OIP5: variants seen among roughly 807,000 people sequenced by gnomAD.
The protein encoded by OIP5 is protein Mis18-beta.
In OIP5, 24 loss-of-function variants were observed where a neutral mutation model predicts 20.3. The ratio of observed to expected loss-of-function variants is 1.18; its 90% CI spans 0.86 to 1.66. The LOEUF (loss-of-function observed/expected upper bound fraction) is 1.66, where lower values mean the gene tolerates loss of function less well. OIP5 is among the 40% of genes most tolerant of loss of function. The pLI, the probability that OIP5 is intolerant of heterozygous loss-of-function variation, is 0.00. For synonymous variants in OIP5, 143 were observed against 121.3 expected, an observed-to-expected ratio of 1.18 and a Z score of -1.17; for missense variants, 339 against 289.5, an observed-to-expected ratio of 1.17 and a Z score of -1.24.
intron 3 of OIP5, 29 bp from the exon 4 acceptor site, chr15:41,313,383 G>A (rs373768898): frequency 3.4e-5 from 41 of 1,206,180 alleles, no homozygotes; most frequent in Non-Finnish European, 4.4e-5. Context: ...AAATATTAGT[G>A]TCATACCATG....
At chr15:41,330,242 G>T (rs1449315306) in intron 2 of OIP5, among the ~76,000 whole-genome samples, 2 of 151,548 alleles carry the variant, frequency 1.3e-5, no homozygotes, top group Non-Finnish European at 2.9e-5. Flanking sequence ...TGGGATTACA[G>T]GCATGTGCCA....
intron 2 of OIP5, among the ~76,000 whole-genome samples, chr15:41,326,479 A>G (rs985952558): frequency 1.3e-5 from 2 of 152,118 alleles, no homozygotes; most frequent in Admixed American, 1.3e-4. Context: ...GCTGGAGTGC[A>G]ATGGCGTGAT....
intron 1 of OIP5, 38 bp downstream of exon 1, chr15:41,332,202 C>T (rs773288475): frequency 6.6e-7 from 1 of 1,521,700 alleles, no homozygotes; most frequent in African/African-American, 1.4e-5. Context: ...CCCTCTCGGG[C>T]TAGCCTCTGC....
chr15:41,326,525 G>T (rs760201023), intron 2 of OIP5, among the ~76,000 whole-genome samples: 6 of 152,168 alleles, frequency 3.9e-5, no homozygotes, highest in Non-Finnish European at 7.3e-5. Flanking sequence ...CTAGGTTCAA[G>T]TGATTCTCCT....
intron 2 of OIP5, among the ~76,000 whole-genome samples, chr15:41,323,117 CATTA>C (rs2047840563): frequency 6.6e-6 from 1 of 152,096 alleles, no homozygotes; most frequent in Non-Finnish European, 1.5e-5. Context: ...AATAAAGTGT[CATTA>C]ATTTGAAATT....
chr15:41,320,155 A>G (rs1402083188), intron 2 of OIP5, among the ~76,000 whole-genome samples: 2 of 152,212 alleles, frequency 1.3e-5, no homozygotes, highest in Non-Finnish European at 2.9e-5. Context: ...GTTGAAAAAT[A>G]ATCAAGTTGA....
In OIP5 at chr15:41,311,226, C is replaced by G. The variant is rs2047751903; in HGVS notation, c.595-1377G>C. Among the ~76,000 whole-genome samples the G allele has an allele frequency of 1.3e-5, 2 of 152,068 alleles. 1 individual carries two copies. The highest frequency in any genetic ancestry group is 2.9e-5 in the Non-Finnish European group (2 of 67,998). Reference sequence around the variant, plus strand: ...TAAAACCCCGTCTCTACTAAAAATACAAAAATTATCTGGGCACGGTAGTGC... The same window carrying G: ...TAAAACCCCGTCTCTACTAAAAATAGAAAAATTATCTGGGCACGGTAGTGC... On this transcript the variant is annotated intron_variant, in intron 4 of 4. Transcript: ENST00000220514.
Position 41,319,777 on chromosome 15 carries a change from A to C in OIP5, c.393T>G (p.Thr131=), listed in dbSNP as rs775621875. 6.2e-7 allele frequency: 1 copy of C among 1,611,184 alleles called. No individual in the cohort carries two copies. Among genetic ancestry groups the C allele is most frequent in the South Asian group, 1.1e-5 (1 of 90,558 alleles). The change falls in exon 3 of 5, where the codon ACT becomes ACG. Residue 131 remains threonine (T), a synonymous_variant. Transcript: ENST00000220514. The part of the protein sequence containing the change: ...VGIEGSLKGS[T]YNLLFCGSCG... ...AAGAACCACAGAATAAAAGGTTGTAAGTACTAGGGGTGGGGAAAAACACAA... is the reference window on the plus strand; with the variant it reads ...AAGAACCACAGAATAAAAGGTTGTACGTACTAGGGGTGGGGAAAAACACAA...
chr15:41,321,309 AGCCCCCCGCCCGGCCAGCCGCCCCGTCC>A lies in OIP5; in HGVS notation c.390-1557_390-1530del, dbSNP rs2047825603. ...CGTCCTGGAGGGAGGTGGGGGGGTC[AGCCCCCCGCCCGGCCAGCCGCCCCGTCC>A]GCGAGGTGATGGGCGCCTCTGCCCG... On this transcript the variant is annotated intron_variant, in intron 2 of 4. Coordinates refer to ENST00000220514, the MANE Select transcript of OIP5 (RefSeq NM_007280.2). 2.1e-5 allele frequency among the ~76,000 whole-genome samples: 3 copies of A among 143,502 alleles called. No homozygotes were observed. The Admixed American group carries it at 2.1e-4, about 10-fold the overall frequency. The allele number at this position is 143,502 out of a possible 152,430, so 94.1% of individuals were successfully genotyped here.
At chr15:41,329,536 G>A (rs961956175) in intron 2 of OIP5, among the ~76,000 whole-genome samples, 6 of 151,752 alleles carry the variant, frequency 4.0e-5, no homozygotes, top group East Asian at 3.9e-4. Flanking sequence ...GGCTGGTCCC[G>A]AACTCCCGAC....
At chr15:41,319,095 G>C (rs554955567) in intron 3 of OIP5, among the ~76,000 whole-genome samples, 3 of 149,612 alleles carry the variant, frequency 2.0e-5, no homozygotes, top group South Asian at 2.1e-4. Context: ...TTTTGAGACA[G>C]AGTCTTGTTC....
intron 4 of OIP5, among the ~76,000 whole-genome samples, chr15:41,311,044 G>A (rs1321759330): frequency 6.6e-6 from 1 of 152,158 alleles, no homozygotes; most frequent in Non-Finnish European, 1.5e-5. Context: ...CTGGGGGCAA[G>A]GGCAACTGGG....
rs1229555477 is a variant in OIP5 at position 41,309,457 on chromosome 15, T to C, written c.*297A>G. On this transcript the variant is annotated 3_prime_UTR_variant, in exon 5 of 5. Coordinates refer to ENST00000220514, the MANE Select transcript of OIP5 (RefSeq NM_007280.2). ...CTTTAGATCAGAGGACACATGGGAC[T>C]CTGCATCTTAATTCCTAAATTTACA... is the stretch of plus-strand genomic sequence containing the variant. The C allele has an allele frequency of 4.3e-6, 1 of 232,706 alleles. No individual in the cohort carries two copies. The allele number at this position is 232,706 out of a possible 1,614,324, so 14.4% of individuals were successfully genotyped here.
intron 2 of OIP5, among the ~76,000 whole-genome samples, chr15:41,320,468 C>T (rs1352686244): frequency 1.3e-5 from 2 of 152,184 alleles, no homozygotes; most frequent in Non-Finnish European, 2.9e-5. Flanking sequence ...TTGGTGGAGA[C>T]GGGGTTTCGC....
chr15:41,319,807 G>A (rs976986400), intron 2 of OIP5, 27 bp from the exon 3 acceptor site: 1 of 1,564,838 alleles, frequency 6.4e-7, no homozygotes, highest in Non-Finnish European at 8.6e-7. Context: ...ACACAATATG[G>A]GTAAGAATAA....
chr15:41,332,214 T>C (rs908335049), intron 1 of OIP5, 26 bp downstream of exon 1: 5 of 1,527,632 alleles, frequency 3.3e-6, no homozygotes, highest in Non-Finnish European at 4.4e-6. Context: ...AGCCTCTGCC[T>C]TTCCCGAACG....
intron 3 of OIP5, among the ~76,000 whole-genome samples, chr15:41,314,259 G>A (rs1029763756): frequency 3.3e-5 from 5 of 151,976 alleles, no homozygotes; most frequent in Non-Finnish European, 4.4e-5. Context: ...GCGCCACCAC[G>A]CCCAGCTAAT....
chr15:41,324,409 C>G (rs564937443), intron 2 of OIP5, among the ~76,000 whole-genome samples: 5 of 152,148 alleles, frequency 3.3e-5, no homozygotes, highest in Non-Finnish European at 5.9e-5. Flanking sequence ...AATGTTGTGG[C>G]TGATTTGATC....
intron 3 of OIP5, among the ~76,000 whole-genome samples, chr15:41,316,372 T>C (rs995223335): frequency 2.0e-4 from 30 of 152,032 alleles, no homozygotes; most frequent in Admixed American, 3.3e-4. Flanking sequence ...TGTTGGAAAT[T>C]TGCAATGAAG....
Sources: gnomAD v4.1 joint callset for allele counts (sites outside exome capture counted in the v4.1 genomes callset) on GRCh38, gnomAD v4.1.1 for gene constraint, MANE v1.5 for transcripts, NCBI Gene and HGNC (gene_info 2026-07-23, HGNC 2026-07-21) for gene names.